Variants in SLC9C2 observed in about 807,000 individuals in gnomAD.
SLC9C2 encodes the protein solute carrier family 9 member C2 (putative), also known as sodium/hydrogen exchanger 11.
In SLC9C2, 75 loss-of-function variants were observed where a neutral mutation model predicts 140.2. The ratio of observed to expected loss-of-function variants is 0.53; its 90% CI spans 0.44 to 0.65. SLC9C2 has a LOEUF of 0.65. SLC9C2 is among the 30% of genes least tolerant of loss of function. The pLI is 0.00. For missense variants in SLC9C2, 1,074 were observed against 1,331.8 expected, an observed-to-expected ratio of 0.81 and a Z score of 3.01; for synonymous variants, 375 against 420.9, an observed-to-expected ratio of 0.89 and a Z score of 1.34.
chr1:173,544,793 T>C (rs1159727404), intron 13 of SLC9C2, among the ~76,000 whole-genome samples: 2 of 151,962 alleles, frequency 1.3e-5, no homozygotes, highest in East Asian at 3.9e-4. Context: ...CACTCATAGG[T>C]GGGAGTTGAA....
Position 173,521,405 on chromosome 1 carries a change from TG to T in SLC9C2, c.2641-7del. The stretch of plus-strand genomic sequence containing the variant: ...CAGGCAAGTTTGGCTCTTTCCTGAG[TG>T]GGAAAAAAAAAAACGAAAAGAAAAA... On this transcript the variant is annotated splice_polypyrimidine_tract_variant and splice_region_variant and intron_variant, in intron 21 of 27. Transcript: ENST00000367714. 2 of 1,437,652 alleles carry T rather than the reference TG, an allele frequency of 1.4e-6. No individual in the cohort carries two copies. The highest frequency in any genetic ancestry group is 1.8e-6 in the Non-Finnish European group (2 of 1,093,798). The allele number at this position is 1,437,652 out of a possible 1,614,324, so 89.1% of individuals were successfully genotyped here.
intron 22 of SLC9C2, among the ~76,000 whole-genome samples, chr1:173,519,701 G>A (rs1307165552): frequency 6.6e-6 from 1 of 152,178 alleles, no homozygotes; most frequent in Admixed American, 6.5e-5. Flanking sequence ...CAGTGTGTTT[G>A]TCCTAGAATT....
intron 3 of SLC9C2, among the ~76,000 whole-genome samples, chr1:173,598,860 C>T (rs567241172): frequency 2.0e-5 from 3 of 152,096 alleles, no homozygotes; most frequent in Admixed American, 6.6e-5. Context: ...TAGGAAGAAG[C>T]GTTTACAATC....
chr1:173,579,484 A>T (rs1412472387), intron 7 of SLC9C2, among the ~76,000 whole-genome samples: 3 of 152,148 alleles, frequency 2.0e-5, no homozygotes, highest in African/African-American at 7.2e-5. Flanking sequence ...AGGTGAAGGA[A>T]CTGAGGGTAA....
At chr1:173,524,227 C>A in intron 20 of SLC9C2, 133 bp from the exon 21 acceptor site, 1 of 821,066 alleles carries the variant, frequency 1.2e-6, no homozygotes, top group Non-Finnish European at 1.8e-6. Context: ...CAGCTTGTCT[C>A]ATCCTATCTA....
At chr1:173,579,506 G>C (rs1188398134) in intron 7 of SLC9C2, among the ~76,000 whole-genome samples, 1 of 152,028 alleles carries the variant, frequency 6.6e-6, no homozygotes, top group Non-Finnish European at 1.5e-5. Context: ...GCTTAAACTA[G>C]AACCAAGGTC....
rs955689555 is a variant in SLC9C2, at chr1:173,576,866, G to A, written c.803-106C>T. The A allele has an allele frequency of 1.3e-5, 10 of 754,432 alleles. No individual in the cohort carries two copies. In the African/African-American group the frequency reaches 1.4e-4, roughly 11 times the overall value. 46.7% of individuals were successfully genotyped at this position (754,432 alleles called of 1,614,324 possible). A position where few individuals can be genotyped will look rare whatever the true frequency, so the allele number is the denominator to read the frequency against. ...ATTGGTGGGAATCTTAAGAGAAGTA[G>A]TAGTTCTTAGAAGGTTGCTTCAAGG... On this transcript the variant is annotated intron_variant, in intron 7 of 27. Coordinates refer to ENST00000367714, the MANE Select transcript of SLC9C2 (RefSeq NM_178527.4).
rs751080475 is a variant in SLC9C2 at position 173,597,901 on chromosome 1, T to C, written c.357+3A>G. ...TCGTACTTTGTTTTAAATGTGTTCT[T>C]ACCTGCCAAAACATTTTCTTGAGTG... On this transcript the variant is annotated splice_donor_region_variant and intron_variant, in intron 4 of 27. Transcript: ENST00000367714. 6.3e-7 allele frequency: 1 copy of C among 1,580,400 alleles called. No individual in the cohort carries two copies. The highest frequency in any genetic ancestry group is 1.1e-5 in the South Asian group (1 of 87,926).
chr1:173,516,196 G>A (rs1261594520), intron 23 of SLC9C2, among the ~76,000 whole-genome samples: 1 of 152,128 alleles, frequency 6.6e-6, no homozygotes, highest in African/African-American at 2.4e-5. Context: ...TTGGTCTTTG[G>A]CTCATTTCTA....
chr1:173,594,148 C>G (rs975733011), intron 4 of SLC9C2, among the ~76,000 whole-genome samples: 6 of 152,050 alleles, frequency 3.9e-5, no homozygotes, highest in Non-Finnish European at 8.8e-5. Flanking sequence ...TTCAGAGAAA[C>G]AAAGACCACT....
intron 22 of SLC9C2, among the ~76,000 whole-genome samples, chr1:173,518,284 C>T (rs1406265896): frequency 6.7e-6 from 1 of 150,008 alleles, no homozygotes; most frequent in East Asian, 2.0e-4. Context: ...AAAAAACCCA[C>T]CAAAACTGGA....
At chr1:173,555,782 A>G (rs897738834) in intron 10 of SLC9C2, among the ~76,000 whole-genome samples, 2 of 152,216 alleles carry the variant, frequency 1.3e-5, no homozygotes, top group African/African-American at 4.8e-5. Context: ...ATCCTCAGAA[A>G]AAAAATGTGG....
At chr1:173,553,337 G>A (rs1663452380) in intron 11 of SLC9C2, among the ~76,000 whole-genome samples, 1 of 152,228 alleles carries the variant, frequency 6.6e-6, no homozygotes, top group Non-Finnish European at 1.5e-5. Flanking sequence ...AGTGGCAACA[G>A]GTTTTGAGAG....
chr1:173,537,418 C>A (rs771629721), intron 13 of SLC9C2, among the ~76,000 whole-genome samples: 7 of 151,920 alleles, frequency 4.6e-5, no homozygotes, highest in African/African-American at 1.7e-4. Context: ...CAAAATTAGC[C>A]GGGCATGATG....
chr1:173,577,951 C>T (rs970427325), intron 7 of SLC9C2, among the ~76,000 whole-genome samples: 4 of 152,036 alleles, frequency 2.6e-5, no homozygotes, highest in Non-Finnish European at 5.9e-5. Context: ...ACTGTGATGA[C>T]AGGGAAACTA....
chr1:173,588,866 A>G (rs1373872907), intron 4 of SLC9C2, among the ~76,000 whole-genome samples: 1 of 152,060 alleles, frequency 6.6e-6, no homozygotes, highest in East Asian at 1.9e-4. Flanking sequence ...TGAGTTCAGT[A>G]GTGTAAGACC....
intron 18 of SLC9C2, 105 bp downstream of exon 18, chr1:173,529,791 CCTTTCAACT>C: frequency 1.7e-6 from 2 of 1,151,338 alleles, no homozygotes; most frequent in Non-Finnish European, 2.5e-6. Flanking sequence ...CAACTGAATC[CCTTTCAACT>C]GTTGGAATTT....
In SLC9C2 at chr1:173,521,407, G is replaced by GAA; in HGVS notation, c.2641-9_2641-8insTT. ...GGCAAGTTTGGCTCTTTCCTGAGTG[G>GAA]GAAAAAAAAAAACGAAAAGAAAAAG... is the stretch of plus-strand genomic sequence containing the variant. On this transcript the variant is annotated splice_polypyrimidine_tract_variant and intron_variant, in intron 21 of 27. Coordinates refer to ENST00000367714, the MANE Select transcript of SLC9C2 (RefSeq NM_178527.4). 1 of 1,422,180 alleles carries GAA rather than the reference G, an allele frequency of 7.0e-7. No individual in the cohort carries two copies. The highest frequency in any genetic ancestry group is 9.2e-7 in the Non-Finnish European group (1 of 1,083,960). 88.1% of individuals were successfully genotyped at this position (1,422,180 alleles called of 1,614,324 possible).
chr1:173,503,760 G>A (rs1311806470), intron 26 of SLC9C2, among the ~76,000 whole-genome samples: 3 of 151,908 alleles, frequency 2.0e-5, no homozygotes, highest in African/African-American at 7.3e-5. Context: ...GTTTCTACTT[G>A]GCAACTAATT....
Sources: allele counts gnomAD v4.1 joint callset (sites outside exome capture counted in the v4.1 genomes callset), GRCh38; gene constraint gnomAD v4.1.1; transcripts MANE v1.5; gene names NCBI Gene and HGNC (gene_info 2026-07-23, HGNC 2026-07-21).